SOX6: variants seen among roughly 807,000 people sequenced by gnomAD.
The protein encoded by SOX6 is SRY-box transcription factor 6.
Under a neutral mutation model 97.8 loss-of-function variants are expected in SOX6, and 11 were observed. The observed-to-expected ratio is 0.11, with a 90% confidence interval of 0.07 to 0.19. The LOEUF (loss-of-function observed/expected upper bound fraction) is 0.19, where lower values mean the gene tolerates loss of function less well. Ranked by LOEUF, SOX6 falls within the 10% of genes least tolerant of loss-of-function variation. The probability of loss-of-function intolerance (pLI) is 1.00; values close to 1 mark genes in which losing one functional copy is unlikely to be tolerated. For missense variants in SOX6, 810 were observed against 1,039.5 expected, an observed-to-expected ratio of 0.78 and a Z score of 3.04; for synonymous variants, 360 against 371.4, an observed-to-expected ratio of 0.97 and a Z score of 0.35.
intron 3 of SOX6, among the ~76,000 whole-genome samples, chr11:16,305,393 CA>C (rs775158257): frequency 1.3e-5 from 2 of 152,150 alleles, no homozygotes; most frequent in African/African-American, 2.4e-5. Context: ...ACAGTTAAAA[CA>C]AAAGTGACAA....
chr11:16,074,139 A>G (rs550706384), intron 9 of SOX6, among the ~76,000 whole-genome samples: 2 of 152,266 alleles, frequency 1.3e-5, no homozygotes, highest in South Asian at 4.1e-4. Context: ...AAAAAACCAT[A>G]CAAAAAATCA....
intron 2 of SOX6, among the ~76,000 whole-genome samples, chr11:16,722,411 G>A (rs1410353816): frequency 1.3e-5 from 2 of 152,180 alleles, no homozygotes; most frequent in South Asian, 2.1e-4. Context: ...TCAGCACTCC[G>A]GAGGCCGAGG....
intron 3 of SOX6, chr11:16,312,318 G>A (rs1313150134): frequency 6.6e-6 from 1 of 152,090 alleles, no homozygotes; most frequent in Non-Finnish European, 1.5e-5. Context: ...CATAGAGTCA[G>A]GAATTTAGTT....
intron 4 of SOX6, among the ~76,000 whole-genome samples, chr11:16,571,772 C>G (rs1486458377): frequency 1.3e-5 from 2 of 152,184 alleles, no homozygotes; most frequent in Non-Finnish European, 2.9e-5. Flanking sequence ...CTGCCTCAGC[C>G]TCCCTAGTAA....
At chr11:16,679,627 A>G (rs1013990510) in intron 3 of SOX6, among the ~76,000 whole-genome samples, 3 of 152,210 alleles carry the variant, frequency 2.0e-5, no homozygotes, top group Non-Finnish European at 2.9e-5. Context: ...TGACAAGTTG[A>G]CAGAAGTAGG....
At chr11:16,431,547 T>A (rs1325133346) in intron 1 of SOX6, among the ~76,000 whole-genome samples, 1 of 152,054 alleles carries the variant, frequency 6.6e-6, no homozygotes, top group East Asian at 1.9e-4. Flanking sequence ...AGACGATACA[T>A]GGTGAAACAA....
chr11:16,161,568 T>C (rs1850749952), intron 6 of SOX6, among the ~76,000 whole-genome samples: 1 of 152,122 alleles, frequency 6.6e-6, no homozygotes, highest in African/African-American at 2.4e-5. Context: ...AGTGGGATTC[T>C]GAACAGACAA....
chr11:16,620,870 G>A (rs1848536413), intron 3 of SOX6, among the ~76,000 whole-genome samples: 1 of 152,100 alleles, frequency 6.6e-6, no homozygotes, highest in African/African-American at 2.4e-5. Flanking sequence ...TTTTATTTGA[G>A]CCACTACAGC....
At chr11:16,068,430 T>C (rs570212779) in intron 9 of SOX6, among the ~76,000 whole-genome samples, 1 of 152,282 alleles carries the variant, frequency 6.6e-6, no homozygotes, top group South Asian at 2.1e-4. Context: ...AAATAATTAT[T>C]TGAAAAAGAT....
At chr11:16,285,689 A>G (rs1487534542) in intron 3 of SOX6, among the ~76,000 whole-genome samples, 2 of 152,118 alleles carry the variant, frequency 1.3e-5, no homozygotes, top group African/African-American at 4.8e-5. Context: ...AATTCACCCA[A>G]TTTTCTACAC....
intron 13 of SOX6, among the ~76,000 whole-genome samples, chr11:16,012,869 A>G (rs1854774482): frequency 6.6e-6 from 1 of 152,112 alleles, no homozygotes; most frequent in South Asian, 2.1e-4. Context: ...GACATCCTCT[A>G]GTATATAAAC....
intron 12 of SOX6, among the ~76,000 whole-genome samples, chr11:16,034,823 A>T (rs1016220167): frequency 2.0e-5 from 3 of 152,186 alleles, no homozygotes; most frequent in African/African-American, 7.2e-5. Context: ...ACATACCTAC[A>T]GACATACAAA....
intron 4 of SOX6, among the ~76,000 whole-genome samples, chr11:16,550,642 G>A (rs1847673012): frequency 6.6e-6 from 1 of 151,868 alleles, no homozygotes; most frequent in Non-Finnish European, 1.5e-5. Context: ...ACTGCCTAAA[G>A]CAAAAACCGC....
chr11:15,988,782 TG>T (rs1853945755), intron 14 of SOX6, among the ~76,000 whole-genome samples: 2 of 152,352 alleles, frequency 1.3e-5, no homozygotes, highest in Admixed American at 6.5e-5. Flanking sequence ...TGGCACCTGG[TG>T]GATATAATAA....
At chr11:16,451,504 G>A (rs1859714939) in intron 1 of SOX6, among the ~76,000 whole-genome samples, 3 of 152,106 alleles carry the variant, frequency 2.0e-5, no homozygotes, top group Admixed American at 1.3e-4. Flanking sequence ...CCACATTATG[G>A]AGTAATGTGT....
At chr11:16,466,739 G>A (rs1322826479) in intron 1 of SOX6, among the ~76,000 whole-genome samples, 5 of 150,546 alleles carry the variant, frequency 3.3e-5, no homozygotes, top group Non-Finnish European at 5.9e-5. Context: ...GACCATCCCG[G>A]CTAAAACGGT....
At chr11:16,648,927 A>C (rs1455910702) in intron 3 of SOX6, among the ~76,000 whole-genome samples, 1 of 152,138 alleles carries the variant, frequency 6.6e-6, no homozygotes, top group Admixed American at 6.5e-5. Context: ...AGAAAAAATA[A>C]TCACAACTTC....
chr11:16,342,386 C>A (rs961423528), intron 1 of SOX6, among the ~76,000 whole-genome samples: 3 of 151,872 alleles, frequency 2.0e-5, no homozygotes, highest in Non-Finnish European at 4.4e-5. Flanking sequence ...GGAATAAAAT[C>A]TCCACCTTAA....
At chr11:16,598,861 C>A (rs915241486) in intron 4 of SOX6, among the ~76,000 whole-genome samples, 1 of 149,624 alleles carries the variant, frequency 6.7e-6, no homozygotes, top group African/African-American at 2.4e-5. Context: ...CAATTCGTCT[C>A]TTTAAGATGA....
Sources: allele counts gnomAD v4.1 joint callset (sites outside exome capture counted in the v4.1 genomes callset), GRCh38; gene constraint gnomAD v4.1.1; transcripts MANE v1.5; gene names NCBI Gene and HGNC (gene_info 2026-07-23, HGNC 2026-07-21).